SHISA3: variants seen among roughly 807,000 people sequenced by gnomAD.
SHISA3 encodes the protein shisa family member 3, also known as protein shisa-3 homolog.
SHISA3 carries 15 observed loss-of-function variants against 19.2 expected under a neutral mutation model. The ratio of observed to expected loss-of-function variants is 0.78; its 90% CI spans 0.52 to 1.20. The LOEUF (loss-of-function observed/expected upper bound fraction) is 1.20, where lower values mean the gene tolerates loss of function less well. Ranked by LOEUF, SHISA3 falls within the 50% of genes most tolerant of loss-of-function variation. The pLI, the probability that SHISA3 is intolerant of heterozygous loss-of-function variation, is 0.00. For synonymous variants in SHISA3, 145 were observed against 135.2 expected, an observed-to-expected ratio of 1.07 and a Z score of -0.50; for missense variants, 327 against 315.7, an observed-to-expected ratio of 1.04 and a Z score of -0.27.
At position 42,397,985 on chromosome 4, in the gene SHISA3, C is replaced by T; in HGVS notation, c.-72C>T. Reference sequence around the variant, plus strand: ...CCTGGGGAGGCGGAATCGCTGTGCGCCCTGAGCCCGGGCTCAGCCCTTCGC... The same window carrying T: ...CCTGGGGAGGCGGAATCGCTGTGCGTCCTGAGCCCGGGCTCAGCCCTTCGC... On this transcript the variant is annotated 5_prime_UTR_variant, in exon 1 of 2. Coordinates refer to ENST00000319234, the MANE Select transcript of SHISA3 (RefSeq NM_001080505.3). 1 of 1,379,420 alleles carries T rather than the reference C, an allele frequency of 7.2e-7. No homozygotes were observed. Among genetic ancestry groups the T allele is most frequent in the South Asian group, 1.5e-5 (1 of 66,266 alleles). 85.4% of individuals were successfully genotyped at this position (1,379,420 alleles called of 1,614,324 possible).
At position 42,397,795 on chromosome 4, in the gene SHISA3, A is replaced by C. The variant is rs1711779157; in HGVS notation, c.-262A>C. On this transcript the variant is annotated 5_prime_UTR_variant, in exon 1 of 2. Transcript: ENST00000319234. ...AAGGGCGGCAGCGACAGCCCCAGCA[A>C]CTGCCTCTGCCGGCGCCTCCCGCAG... The C allele has an allele frequency of 4.7e-6, 2 of 425,440 alleles. No homozygotes were observed. The highest frequency in any genetic ancestry group is 3.9e-5 in the East Asian group (1 of 25,682). The allele number at this position is 425,440 out of a possible 1,614,324, so 26.4% of individuals were successfully genotyped here. A position where few individuals can be genotyped will look rare whatever the true frequency, so the allele number is the denominator to read the frequency against.
chr4:42,397,870 C>T lies in SHISA3; in HGVS notation c.-187C>T, dbSNP rs2153162978. On this transcript the variant is annotated 5_prime_UTR_variant, in exon 1 of 2. Coordinates refer to ENST00000319234, the MANE Select transcript of SHISA3 (RefSeq NM_001080505.3). ...CCATGCTGACTCCCGGCCTGCGGAA[C>T]TCGTAGTGCAGCCCCTGTCGCCTCC... 1 of 517,362 alleles carries T rather than the reference C, an allele frequency of 1.9e-6. No homozygotes were observed. Among genetic ancestry groups the T allele is most frequent in the South Asian group, 3.2e-5 (1 of 31,158 alleles). 32.0% of individuals were successfully genotyped at this position (517,362 alleles called of 1,614,324 possible).
chr4:42,400,514 G>A (rs1339004976), intron 1 of SHISA3, among the ~76,000 whole-genome samples: 1 of 152,094 alleles, frequency 6.6e-6, no homozygotes, highest in East Asian at 1.9e-4. Flanking sequence ...AAAATCCTGG[G>A]TCTGTGTGTA....
intron 1 of SHISA3, among the ~76,000 whole-genome samples, chr4:42,400,680 C>T (rs1711882032): frequency 6.6e-6 from 1 of 152,106 alleles, no homozygotes; most frequent in South Asian, 2.1e-4. Flanking sequence ...ATTATTTTAA[C>T]CCCTAAAACT....
chr4:42,399,496 C>T (rs529354673), intron 1 of SHISA3, among the ~76,000 whole-genome samples: 1 of 152,308 alleles, frequency 6.6e-6, no homozygotes, highest in South Asian at 2.1e-4. Flanking sequence ...GACTCTTCCC[C>T]ACGGCTTCAC....
chr4:42,398,067 T>G lies in SHISA3; in HGVS notation c.11T>G (p.Leu4Arg). 1 of 1,593,458 alleles carries G rather than the reference T, an allele frequency of 6.3e-7. No homozygotes were observed. The highest frequency in any genetic ancestry group is 8.5e-7 in the Non-Finnish European group (1 of 1,170,918). Residue 4 changes from leucine to arginine, a missense_variant, in exon 1 of 2, where the codon CTG (leucine) becomes CGG (arginine). By Grantham distance (102) the Leu-to-Arg change is moderately radical. Transcript: ENST00000319234. The stretch of plus-strand genomic sequence containing the variant: ...GGGAGCCCAGTGGCGATGAGGGCAC[T>G]GCTGGCGCTTTGCCTTCTCCTTGGC... MRA[L>R]LALCLLLGWL...
intron 1 of SHISA3, among the ~76,000 whole-genome samples, chr4:42,399,898 AC>A (rs908484866): frequency 4.6e-5 from 7 of 152,240 alleles, no homozygotes; most frequent in Non-Finnish European, 1.0e-4. Context: ...TGGGAGGGAC[AC>A]AGAAGAGCTT....
chr4:42,398,228 G>A lies in SHISA3; in HGVS notation c.172G>A (p.Gly58Ser), dbSNP rs752002505. 7 of 1,589,672 alleles carry A rather than the reference G, an allele frequency of 4.4e-6. No homozygotes were observed. The highest frequency in any genetic ancestry group is 3.5e-5 in the Admixed American group (2 of 57,030). The change falls in exon 1 of 2, where the codon GGC becomes AGC. Residue 58 changes from glycine (G) to serine (S), a missense_variant. Coordinates refer to ENST00000319234, the MANE Select transcript of SHISA3 (RefSeq NM_001080505.3). ...CACGCTGGACGCTACCATCTGCTGC[G>A]GCTCCTGCGCGCTCCGCTACTGTTG... The part of the protein sequence containing the change: ...FDTLDATICC[G>S]SCALRYCCAA...
chr4:42,401,067 C>A lies in SHISA3; in HGVS notation c.333C>A (p.Ile111=). 1 of 1,614,208 alleles carries A rather than the reference C, an allele frequency of 6.2e-7. No homozygotes were observed. The highest frequency in any genetic ancestry group is 8.5e-7 in the Non-Finnish European group (1 of 1,180,046). Reference sequence around the variant, plus strand: ...GCTCCATCTTCATTGCGTTCATCATCCTGGGCTCTGTAGTGGCTATTTATT... The same window carrying A: ...GCTCCATCTTCATTGCGTTCATCATACTGGGCTCTGTAGTGGCTATTTATT... ...IVGSIFIAFI[I]LGSVVAIYCC... The change falls in exon 2 of 2, where the codon ATC becomes ATA. Residue 111 remains isoleucine, a synonymous_variant. Transcript: ENST00000319234.
rs1239683175 is a variant in SHISA3 at position 42,401,184 on chromosome 4, G to A, written c.450G>A (p.Leu150=). The A allele has an allele frequency of 1.9e-6, 3 of 1,614,160 alleles. No individual in the cohort carries two copies. In the Admixed American group the frequency reaches 5.0e-5, roughly 27 times the overall value. ...SYQTETLPMI[L]TSTSPRAPSR... is the part of the protein sequence containing the mutation. ...AGACAGAGACCCTGCCCATGATCCTGACCTCCACCAGCCCCAGGGCACCCT... is the reference window on the plus strand; with the variant it reads ...AGACAGAGACCCTGCCCATGATCCTAACCTCCACCAGCCCCAGGGCACCCT... Residue 150 remains leucine, a synonymous_variant, in exon 2 of 2, where the codon CTG becomes CTA. Transcript: ENST00000319234.
rs141364080 is a variant in SHISA3, at chr4:42,397,817, G to T, written c.-240G>T. ...GCAACTGCCTCTGCCGGCGCCTCCC[G>T]CAGGCCCTCGCCAACTCGCCCCGCG... On this transcript the variant is annotated 5_prime_UTR_variant, in exon 1 of 2. Transcript: ENST00000319234. 31 of 437,674 alleles carry T rather than the reference G, an allele frequency of 7.1e-5. 1 individual carries two copies. In the South Asian group the frequency reaches 1.7e-3, roughly 23 times the overall value. The allele number at this position is 437,674 out of a possible 1,614,324, so 27.1% of individuals were successfully genotyped here.
chr4:42,399,484 TAG>T (rs530753128), intron 1 of SHISA3, among the ~76,000 whole-genome samples: 4 of 152,164 alleles, frequency 2.6e-5, no homozygotes, highest in Admixed American at 6.5e-5. Context: ...TAGAAAAATA[TAG>T]ACTCTTCCCC....
Position 42,402,120 on chromosome 4 carries a change from TG to T in SHISA3, c.*670del, listed in dbSNP as rs1459534758. The T allele has an allele frequency of 6.6e-6, 1 of 152,238 alleles. No homozygotes were observed. The highest frequency in any genetic ancestry group is 1.5e-5 in the Non-Finnish European group (1 of 68,040). The allele number at this position is 152,238 out of a possible 1,614,324, so 9.4% of individuals were successfully genotyped here. A position where few individuals can be genotyped will look rare whatever the true frequency, so the allele number is the denominator to read the frequency against. The stretch of plus-strand genomic sequence containing the variant: ...GACATTCATTGTAACACAGAGTGTA[TG>T]TAAAATCATTTCCCCCACTCACTGG... On this transcript the variant is annotated 3_prime_UTR_variant, in exon 2 of 2. Transcript: ENST00000319234.
chr4:42,399,602 T>A (rs1711849501), intron 1 of SHISA3, among the ~76,000 whole-genome samples: 1 of 152,224 alleles, frequency 6.6e-6, no homozygotes, highest in Non-Finnish European at 1.5e-5. Flanking sequence ...TCGGCTCGGA[T>A]GCCAGAGGAC....
chr4:42,399,583 G>T (rs1046023040), intron 1 of SHISA3, among the ~76,000 whole-genome samples: 1 of 152,220 alleles, frequency 6.6e-6, no homozygotes, highest in Non-Finnish European at 1.5e-5. Flanking sequence ...CTTCCTCTGC[G>T]CTCCCTACTC....
rs1711837643 is a variant in SHISA3 at position 42,399,217 on chromosome 4, C to T, written c.277+884C>T. On this transcript the variant is annotated intron_variant, in intron 1 of 1. Coordinates refer to ENST00000319234, the MANE Select transcript of SHISA3 (RefSeq NM_001080505.3). ...GAGAGCGGGTGACACCCCAGGACTCCAGAGAGCCGAGGTCTGGAGCCCGCA... is the reference window on the plus strand; with the variant it reads ...GAGAGCGGGTGACACCCCAGGACTCTAGAGAGCCGAGGTCTGGAGCCCGCA... Among the ~76,000 whole-genome samples, 4 of 152,218 alleles carry T rather than the reference C, an allele frequency of 2.6e-5. No individual in the cohort carries two copies. In the South Asian group the frequency reaches 8.3e-4, roughly 32 times the overall value.
At chr4:42,398,773 C>A (rs1577867220) in intron 1 of SHISA3, among the ~76,000 whole-genome samples, 2 of 152,318 alleles carry the variant, frequency 1.3e-5, no homozygotes, top group South Asian at 2.1e-4. Context: ...GGAATCGCGA[C>A]TCTTGTCGCG....
chr4:42,399,311 C>T (rs1711840631), intron 1 of SHISA3, among the ~76,000 whole-genome samples: 2 of 152,146 alleles, frequency 1.3e-5, no homozygotes. Flanking sequence ...GGCCCCTCCC[C>T]GCAAACTGAT....
intron 1 of SHISA3, 37 bp from the exon 2 acceptor site, chr4:42,400,975 A>G (rs66671329): frequency 0.37 from 584,389 of 1,593,610 alleles, 112,616 homozygotes; most frequent in East Asian, 0.64. Flanking sequence ...GGAGATCCTC[A>G]TCTGAGCATC....
Sources: allele counts gnomAD v4.1 joint callset (sites outside exome capture counted in the v4.1 genomes callset), GRCh38; gene constraint gnomAD v4.1.1; transcripts MANE v1.5; gene names NCBI Gene and HGNC (gene_info 2026-07-23, HGNC 2026-07-21).